RELN: variants seen among roughly 807,000 people sequenced by gnomAD.
The protein encoded by RELN is reelin.
A neutral mutation model predicts 427.6 loss-of-function variants in RELN; 108 were observed. That is an observed-to-expected ratio of 0.25 (90% CI 0.22 to 0.30). The LOEUF (loss-of-function observed/expected upper bound fraction) is 0.30. Among genes scored for constraint, RELN ranks in the 10% least tolerant of loss-of-function variants. RELN has a pLI of 1.00. For missense variants in RELN, 3,715 were observed against 4,302.8 expected, an observed-to-expected ratio of 0.86 and a Z score of 3.82; for synonymous variants, 1,524 against 1,513.4, an observed-to-expected ratio of 1.01 and a Z score of -0.16.
intron 22 of RELN, among the ~76,000 whole-genome samples, chr7:103,607,558 G>A (rs2117281663): frequency 6.6e-6 from 1 of 152,326 alleles, no homozygotes; most frequent in East Asian, 1.9e-4. Context: ...AACTACTGTT[G>A]TGTGGGTCAT....
At chr7:103,972,352 T>C (rs1796781082) in intron 1 of RELN, among the ~76,000 whole-genome samples, 1 of 152,252 alleles carries the variant, frequency 6.6e-6, no homozygotes, top group African/African-American at 2.4e-5. Flanking sequence ...AGTAAGAGAC[T>C]GGATTTAGAA....
chr7:103,564,840 T>C (rs145737024), intron 34 of RELN, among the ~76,000 whole-genome samples: 7 of 152,228 alleles, frequency 4.6e-5, no homozygotes, highest in African/African-American at 1.7e-4. Flanking sequence ...TCTGAAATGC[T>C]GGGGAGGGGA....
At chr7:103,748,662 C>T (rs1158919810) in intron 6 of RELN, among the ~76,000 whole-genome samples, 1 of 152,164 alleles carries the variant, frequency 6.6e-6, no homozygotes, top group African/African-American at 2.4e-5. Context: ...ATATCATATG[C>T]TGACATTCAA....
At chr7:103,966,306 C>CA (rs1658064042) in intron 1 of RELN, among the ~76,000 whole-genome samples, 1 of 152,364 alleles carries the variant, frequency 6.6e-6, no homozygotes, top group South Asian at 2.1e-4. Flanking sequence ...CACAGGGTGT[C>CA]AGCCCATCAC....
intron 11 of RELN, among the ~76,000 whole-genome samples, chr7:103,672,134 T>C (rs949675181): frequency 6.6e-6 from 1 of 152,170 alleles, no homozygotes. Context: ...CTATTTTTAA[T>C]AAAAGTATCA....
At position 103,550,200 on chromosome 7, in the gene RELN, T is replaced by C. The variant is rs547053670; in HGVS notation, c.6302+867A>G. Among the ~76,000 whole-genome samples the C allele has an allele frequency of 9.3e-4, 142 of 152,356 alleles. 2 individuals carry two copies. The highest frequency in any genetic ancestry group is 3.3e-3 in the African/African-American group (137 of 41,584). ...GTGGATAGATTCATGTTCAAAGAGATGCAGACTTTAAAAAATTCACTTTCA... is the reference window on the plus strand; with the variant it reads ...GTGGATAGATTCATGTTCAAAGAGACGCAGACTTTAAAAAATTCACTTTCA... On this transcript the variant is annotated intron_variant, in intron 41 of 64. Coordinates refer to ENST00000428762, the MANE Select transcript of RELN (RefSeq NM_005045.4).
chr7:103,961,051 G>C (rs1796542518), intron 1 of RELN, among the ~76,000 whole-genome samples: 1 of 152,218 alleles, frequency 6.6e-6, no homozygotes. Flanking sequence ...TACGTGTTTG[G>C]TCAGCAAAGT....
intron 19 of RELN, among the ~76,000 whole-genome samples, chr7:103,632,203 T>G (rs1040822774): frequency 1.3e-5 from 2 of 152,238 alleles, no homozygotes; most frequent in Admixed American, 1.3e-4. Flanking sequence ...TACTGGTTAA[T>G]GATTTTGTAA....
intron 64 of RELN, among the ~76,000 whole-genome samples, chr7:103,476,026 T>G (rs1296402226): frequency 6.6e-6 from 1 of 152,214 alleles, no homozygotes; most frequent in Non-Finnish European, 1.5e-5. Flanking sequence ...GTTCTGGGAT[T>G]ACAAGCATGG....
chr7:103,594,389 C>T lies in RELN; in HGVS notation c.3643G>A (p.Asp1215Asn), dbSNP rs1252404801. ...SGEDYDQWAV[D>N]DIIILSEKQK... is the part of the protein sequence containing the mutation. ...TTCTCGGACAGAATGATGATGTCAT[C>T]GACTGCCCACTGGTCATAGTCCTCC... The change falls in exon 26 of 65, where the codon GAT (aspartate) becomes AAT (asparagine). Residue 1215 changes from aspartate (D) to asparagine (N), a missense_variant. Transcript: ENST00000428762. 3 of 1,613,996 alleles carry T rather than the reference C, an allele frequency of 1.9e-6. No homozygotes were observed. The highest frequency in any genetic ancestry group is 2.5e-6 in the Non-Finnish European group (3 of 1,179,922).
In RELN at chr7:103,586,727, CTA is replaced by C. The variant is rs1831281654; in HGVS notation, c.4145+2867_4145+2868del. 2.0e-5 allele frequency among the ~76,000 whole-genome samples: 3 copies of C among 152,270 alleles called. No individual in the cohort carries two copies. The South Asian group carries it at 6.2e-4, about 32-fold the overall frequency. ...TAAACGTACAAAAATCAGAGCATTT[CTA>C]TACACCAGTAACATTGAAGCTGAGT... On this transcript the variant is annotated intron_variant, in intron 28 of 64. Coordinates refer to ENST00000428762, the MANE Select transcript of RELN (RefSeq NM_005045.4).
intron 31 of RELN, among the ~76,000 whole-genome samples, chr7:103,570,776 T>C (rs1393306467): frequency 6.6e-6 from 1 of 152,152 alleles, no homozygotes; most frequent in Non-Finnish European, 1.5e-5. Flanking sequence ...GGATGACCCA[T>C]GAAGAAAATG....
rs1257978206 is a variant in RELN at position 103,500,917 on chromosome 7, A to G, written c.8495T>C (p.Val2832Ala). ...GTACTTCTGATAGAACCTAAACCTTACCGGACTATTGACAATGCAAAAGCA... is the reference window on the plus strand; with the variant it reads ...GTACTTCTGATAGAACCTAAACCTTGCCGGACTATTGACAATGCAAAAGCA... ...PLPESLVGNPVRFRFYQKYSD... is the reference protein window; with the variant it reads ...PLPESLVGNPARFRFYQKYSD... The change falls in exon 53 of 65, where the codon GTA becomes GCA. Residue 2832 changes from valine (V) to alanine (A), a missense_variant. Val to Ala is a moderately conservative substitution (Grantham distance 64). This residue lies in a region of RELN where 1,310 missense variants were observed against 1,643.0 expected (regional missense o/e 0.80). Transcript: ENST00000428762. 1 of 1,614,080 alleles carries G rather than the reference A, an allele frequency of 6.2e-7. No individual in the cohort carries two copies. The highest frequency in any genetic ancestry group is 8.5e-7 in the Non-Finnish European group (1 of 1,179,926).
chr7:103,657,314 A>G (rs756954848), intron 12 of RELN, among the ~76,000 whole-genome samples: 2 of 152,084 alleles, frequency 1.3e-5, no homozygotes, highest in Admixed American at 6.6e-5. Flanking sequence ...TCTCTGGAGA[A>G]AAAATCCACG....
chr7:103,738,597 T>C (rs1014343586), intron 6 of RELN, among the ~76,000 whole-genome samples: 2 of 151,746 alleles, frequency 1.3e-5, no homozygotes, highest in African/African-American at 2.4e-5. Flanking sequence ...ATTTCTATCA[T>C]GTTAACTTTG....
Position 103,989,098 on chromosome 7 carries a change from C to G in RELN, c.226+33G>C. 1.3e-6 allele frequency: 2 copies of G among 1,593,844 alleles called. No individual in the cohort carries two copies. The highest frequency in any genetic ancestry group is 1.7e-6 in the Non-Finnish European group (2 of 1,163,736). On this transcript the variant is annotated intron_variant, in intron 1 of 64. Transcript: ENST00000428762. This position sits in a 1 kb window ranked among gnomAD's most constrained non-coding sequence, Gnocchi z 4.9. Reference sequence around the variant, plus strand: ...AAGGTGCGCTGGCGGGCGCACCCGGCGGCGGCGAGCGCGGAGGTGCTGCGG... The same window carrying G: ...AAGGTGCGCTGGCGGGCGCACCCGGGGGCGGCGAGCGCGGAGGTGCTGCGG...
chr7:103,570,133 C>T (rs1213086584), intron 31 of RELN, among the ~76,000 whole-genome samples: 1 of 152,104 alleles, frequency 6.6e-6, no homozygotes, highest in Non-Finnish European at 1.5e-5. Context: ...GAAAGTGTCT[C>T]AAGACTAGTT....
chr7:103,926,811 AT>A (rs899609858), intron 1 of RELN, among the ~76,000 whole-genome samples: 1 of 151,356 alleles, frequency 6.6e-6, no homozygotes, highest in Non-Finnish European at 1.5e-5. Flanking sequence ...CATCCAGCTA[AT>A]TTTTTTTGTA....
intron 8 of RELN, among the ~76,000 whole-genome samples, chr7:103,702,516 T>C (rs1288777326): frequency 3.3e-5 from 5 of 152,230 alleles, no homozygotes. Context: ...GGAAAGCTGA[T>C]ATACATCAAA....
Sources: allele counts gnomAD v4.1 joint callset (sites outside exome capture counted in the v4.1 genomes callset), GRCh38; gene constraint gnomAD v4.1.1; regional missense constraint gnomAD v4.1.1; non-coding constraint Gnocchi (gnomAD v3.1); transcripts MANE v1.5; gene names NCBI Gene and HGNC (gene_info 2026-07-23, HGNC 2026-07-21).